Variants in CENPP observed in about 807,000 individuals in gnomAD.
CENPP encodes the protein centromere protein P.
Under a neutral mutation model 35.6 loss-of-function variants are expected in CENPP, and 24 were observed. The observed-to-expected ratio is 0.67, with a 90% CI of 0.49 to 0.95. The LOEUF is 0.95. Ranked by LOEUF, CENPP falls within the 40% of genes least tolerant of loss-of-function variation. The pLI is 0.00. For missense variants in CENPP, 332 were observed against 345.3 expected (o/e 0.96, Z 0.31); for synonymous variants, 120 against 125.5 (o/e 0.96, Z 0.29).
chr9:92,539,872 T>C lies in CENPP; in HGVS notation c.565-71442T>C, dbSNP rs577832457. On this transcript the variant is annotated intron_variant, in intron 5 of 7. Coordinates refer to ENST00000375587, the MANE Select transcript of CENPP (RefSeq NM_001012267.3). ...CCCTATTGATGGACATTTGGGTTGT[T>C]TCCCCTTTCCCCCCTCAAATAGAAT... Among the ~76,000 whole-genome samples, 9 of 152,300 alleles carry C rather than the reference T, an allele frequency of 5.9e-5. No individual in the cohort carries two copies. In the East Asian group the frequency reaches 1.5e-3, roughly 26 times the overall value.
At chr9:92,336,547 T>C (rs1015360698) in intron 2 of CENPP, among the ~76,000 whole-genome samples, 8 of 152,236 alleles carry the variant, frequency 5.3e-5, no homozygotes, top group Middle Eastern at 3.2e-3. Flanking sequence ...TTCCCAAATC[T>C]GATTGCTCTT....
At chr9:92,514,596 A>G in intron 5 of CENPP, 1 of 1,530,780 alleles carries the variant, frequency 6.5e-7, no homozygotes, top group Non-Finnish European at 8.8e-7. Context: ...TTTACTTTTA[A>G]AGCACAAAAT....
chr9:92,552,216 C>CACACACA (rs1554686431), intron 5 of CENPP, among the ~76,000 whole-genome samples: 1 of 146,648 alleles, frequency 6.8e-6, no homozygotes, highest in Non-Finnish European at 1.5e-5. Context: ...CACACACACA[C>CACACACA]CCCACAGTTT....
chr9:92,390,494 C>T (rs985036582), intron 5 of CENPP, among the ~76,000 whole-genome samples: 1 of 152,038 alleles, frequency 6.6e-6, no homozygotes, highest in Non-Finnish European at 1.5e-5. Flanking sequence ...TATGCCTTAT[C>T]GCTTAACAAC....
chr9:92,483,913 T>G (rs1421894167), intron 5 of CENPP, among the ~76,000 whole-genome samples: 7 of 152,204 alleles, frequency 4.6e-5, no homozygotes. Flanking sequence ...CTGCAGCACC[T>G]TAGGGAATGA....
At chr9:92,436,823 A>G (rs371467527) in intron 5 of CENPP, among the ~76,000 whole-genome samples, 2 of 152,142 alleles carry the variant, frequency 1.3e-5, no homozygotes, top group East Asian at 3.8e-4. Flanking sequence ...GACTTTTCTC[A>G]CTATATTCTT....
rs543536389 is a variant in CENPP at position 92,555,418 on chromosome 9, G to A, written c.565-55896G>A. Among the ~76,000 whole-genome samples, 186 of 151,334 alleles carry A rather than the reference G, an allele frequency of 1.2e-3. No homozygotes were observed. In the Middle Eastern group the frequency reaches 0.037, roughly 30 times the overall value. On this transcript the variant is annotated intron_variant, in intron 5 of 7. Coordinates refer to ENST00000375587, the MANE Select transcript of CENPP (RefSeq NM_001012267.3). ...ATTTTTTTGTATTTTCAGTAGAAAC[G>A]GGATTTCACCATGTTAGCCAGGCTG...
intron 5 of CENPP, among the ~76,000 whole-genome samples, chr9:92,402,262 A>G (rs1201024950): frequency 1.3e-5 from 2 of 152,178 alleles, no homozygotes; most frequent in Non-Finnish European, 2.9e-5. Flanking sequence ...AAATAATGCT[A>G]TCATATTAAA....
chr9:92,598,510 G>A (rs1850833629), intron 5 of CENPP, among the ~76,000 whole-genome samples: 1 of 152,180 alleles, frequency 6.6e-6, no homozygotes, highest in Admixed American at 6.5e-5. Context: ...CTGGGGTTGT[G>A]ATGTGACATC....
chr9:92,601,988 C>T (rs1564017701), intron 5 of CENPP, among the ~76,000 whole-genome samples: 1 of 152,178 alleles, frequency 6.6e-6, no homozygotes, highest in African/African-American at 2.4e-5. Flanking sequence ...GAGCCCAGGT[C>T]CTGGTTTGTA....
At chr9:92,491,734 T>C (rs1011077650) in intron 5 of CENPP, among the ~76,000 whole-genome samples, 1 of 152,188 alleles carries the variant, frequency 6.6e-6, no homozygotes, top group Non-Finnish European at 1.5e-5. Flanking sequence ...ATTCACTGAA[T>C]TCCTTTTGAT....
intron 5 of CENPP, among the ~76,000 whole-genome samples, chr9:92,428,954 C>T (rs959718804): frequency 1.3e-5 from 2 of 152,072 alleles, no homozygotes; most frequent in Non-Finnish European, 2.9e-5. Context: ...CTTGAGGATG[C>T]TAGGCCTCTG....
chr9:92,371,930 A>G (rs1330835237), intron 4 of CENPP, among the ~76,000 whole-genome samples: 1 of 145,326 alleles, frequency 6.9e-6, no homozygotes, highest in Non-Finnish European at 1.5e-5. Flanking sequence ...CAGTAGCTCA[A>G]TCCTGGCTCA....
At chr9:92,563,413 A>T (rs778412280) in intron 5 of CENPP, among the ~76,000 whole-genome samples, 1 of 152,148 alleles carries the variant, frequency 6.6e-6, no homozygotes, top group Non-Finnish European at 1.5e-5. Flanking sequence ...TCAGTGTATC[A>T]TTTTTATTGA....
At chr9:92,469,838 TA>T (rs1267353612) in intron 5 of CENPP, among the ~76,000 whole-genome samples, 2 of 152,216 alleles carry the variant, frequency 1.3e-5, no homozygotes, top group African/African-American at 4.8e-5. Context: ...TTTTACTTGC[TA>T]AAATCTGGAG....
At chr9:92,502,326 G>A (rs181229290) in intron 5 of CENPP, among the ~76,000 whole-genome samples, 218 of 152,292 alleles carry the variant, frequency 1.4e-3, no homozygotes, top group African/African-American at 4.8e-3. Context: ...CAGCGCACAG[G>A]TTGGAAACTG....
At chr9:92,570,331 A>T (rs1850102321) in intron 5 of CENPP, among the ~76,000 whole-genome samples, 1 of 152,176 alleles carries the variant, frequency 6.6e-6, no homozygotes, top group African/African-American at 2.4e-5. Flanking sequence ...ATCTATTGAG[A>T]TAATCATGTG....
intron 5 of CENPP, among the ~76,000 whole-genome samples, chr9:92,429,233 C>A (rs1300710910): frequency 1.3e-5 from 2 of 152,120 alleles, no homozygotes; most frequent in Admixed American, 6.6e-5. Context: ...AGGAAAGATG[C>A]CTCCAGACAA....
rs1465014208 is a variant in CENPP at position 92,470,732 on chromosome 9, A to G, written c.564+90873A>G. 2.5e-6 allele frequency: 4 copies of G among 1,599,304 alleles called. No individual in the cohort carries two copies. The African/African-American group carries it at 4.0e-5, about 16-fold the overall frequency. Reference sequence around the variant, plus strand: ...TTTCCTTAATTTTATTGTTTTGAAGATCAAGCATTCGAGTATCAAATGGAA... The same window carrying G: ...TTTCCTTAATTTTATTGTTTTGAAGGTCAAGCATTCGAGTATCAAATGGAA... On this transcript the variant is annotated intron_variant, in intron 5 of 7. Coordinates refer to ENST00000375587, the MANE Select transcript of CENPP (RefSeq NM_001012267.3).
Sources: allele counts gnomAD v4.1 joint callset (sites outside exome capture counted in the v4.1 genomes callset), GRCh38; gene constraint gnomAD v4.1.1; transcripts MANE v1.5; gene names NCBI Gene and HGNC (gene_info 2026-07-23, HGNC 2026-07-21).